The following MAF variants were observed in gnomAD, a reference collection of about 807,000 sequenced individuals.
MAF encodes MAF bZIP transcription factor, also known as transcription factor Maf.
A neutral mutation model predicts 22.0 loss-of-function variants in MAF; 10 were observed. The observed-to-expected ratio is 0.45, with a 90% CI of 0.28 to 0.77. The LOEUF is 0.77. MAF is among the 30% of genes least tolerant of loss of function. MAF has a pLI of 0.12. For missense variants in MAF, 544 were observed against 548.4 expected (o/e 0.99, Z 0.08); for synonymous variants, 337 against 255.8 (o/e 1.32, Z -3.03).
the MAF span, among the ~76,000 whole-genome samples, chr16:79,251,186 A>T: frequency 6.6e-6 from 1 of 152,162 alleles, no homozygotes; most frequent in Non-Finnish European, 1.5e-5. Context: ...ACCAACCTGA[A>T]CTTAAACCCT....
At chr16:79,315,009 C>T in the MAF span, among the ~76,000 whole-genome samples, 33,994 of 152,180 alleles carry the variant, frequency 0.22, 4,182 homozygotes, top group Middle Eastern at 0.32. Context: ...TTAATGAAGA[C>T]GGGGGCCCTT....
the MAF span, among the ~76,000 whole-genome samples, chr16:79,335,750 C>T: frequency 6.6e-6 from 1 of 152,214 alleles, no homozygotes; most frequent in African/African-American, 2.4e-5. Flanking sequence ...AGCGGACACC[C>T]ACAAACTAGG....
At chr16:79,374,171 C>T in the MAF span, among the ~76,000 whole-genome samples, 2 of 152,198 alleles carry the variant, frequency 1.3e-5, no homozygotes, top group African/African-American at 4.8e-5. Context: ...TTGGTGCTTA[C>T]TTAACTTGTG....
chr16:79,357,662 A>C, the MAF span, among the ~76,000 whole-genome samples: 1 of 151,984 alleles, frequency 6.6e-6, no homozygotes, highest in African/African-American at 2.4e-5. Flanking sequence ...TGTCTTCCTC[A>C]CCATCGGTTC....
the MAF span, among the ~76,000 whole-genome samples, chr16:79,561,066 C>G: frequency 1.3e-5 from 2 of 152,162 alleles, no homozygotes; most frequent in Non-Finnish European, 2.9e-5. Context: ...TTGCTTTCAT[C>G]CCAAGACCTG....
At chr16:79,536,150 C>T in the MAF span, among the ~76,000 whole-genome samples, 3 of 152,174 alleles carry the variant, frequency 2.0e-5, no homozygotes, top group South Asian at 2.1e-4. Context: ...AGATATAAGG[C>T]GGTACTTACC....
the MAF span, among the ~76,000 whole-genome samples, chr16:79,539,546 T>C: frequency 6.6e-6 from 1 of 152,190 alleles, no homozygotes; most frequent in East Asian, 1.9e-4. Flanking sequence ...AAGAAAGTTT[T>C]AAAATTAACT....
At chr16:79,204,658 A>AGCGTACCAAGGTCACCCTGCCC in the MAF span, 1 of 152,208 alleles carries the variant, frequency 6.6e-6, no homozygotes, top group African/African-American at 2.4e-5. Context: ...AGGCCCTGAG[A>AGCGTACCAAGGTCACCCTGCCC]GCGTACCAAG....
the MAF span, among the ~76,000 whole-genome samples, chr16:79,446,851 G>A: frequency 1.5e-4 from 23 of 152,126 alleles, 1 homozygote; most frequent in African/African-American, 9.7e-5. Context: ...GAGGTTGAAA[G>A]GTTGCAGTGA....
the MAF span, among the ~76,000 whole-genome samples, chr16:79,496,418 C>A: frequency 6.6e-6 from 1 of 152,188 alleles, no homozygotes; most frequent in Non-Finnish European, 1.5e-5. Context: ...AGGCTTAGAA[C>A]TGTCGTACAC....
At chr16:79,452,695 G>C in the MAF span, among the ~76,000 whole-genome samples, 1 of 152,108 alleles carries the variant, frequency 6.6e-6, no homozygotes, top group Non-Finnish European at 1.5e-5. Context: ...TTTGGAGTCA[G>C]CATGGCCATG....
chr16:79,477,394 A>C, the MAF span, among the ~76,000 whole-genome samples: 2 of 152,318 alleles, frequency 1.3e-5, no homozygotes, highest in South Asian at 2.1e-4. Context: ...AGCTTTGCAC[A>C]GAATAAAGAA....
At position 79,599,597 on chromosome 16, in the gene MAF, G is replaced by A. The variant is rs2143814763; in HGVS notation, c.306C>T (p.Asn102=). Residue 102 remains asparagine, a synonymous_variant, in exon 1 of 2, where the codon AAC becomes AAT. Transcript: ENST00000326043. The part of the protein sequence containing the change: ...YWMTGYPQQL[N]PEALGFSPED... ...CGGGGCTGAAGCCCAGCGCCTCGGG[G>A]TTCAGCTGCTGCGGGTAGCCGGTCA... 8.1e-6 allele frequency: 13 copies of A among 1,609,002 alleles called. No homozygotes were observed. Among genetic ancestry groups the A allele is most frequent in the Non-Finnish European group, 1.1e-5 (13 of 1,178,500 alleles).
the MAF span, among the ~76,000 whole-genome samples, chr16:79,260,455 G>GTATC: frequency 3.9e-4 from 32 of 81,786 alleles, no homozygotes; most frequent in Non-Finnish European, 1.8e-4. Flanking sequence ...CCTGGCTCAT[G>GTATC]TATCTATCTA....
At chr16:79,306,965 T>G in the MAF span, among the ~76,000 whole-genome samples, 2 of 152,242 alleles carry the variant, frequency 1.3e-5, no homozygotes, top group African/African-American at 4.8e-5. Context: ...CATAAGCATA[T>G]GCCATATGTA....
chr16:79,279,938 T>C, the MAF span, among the ~76,000 whole-genome samples: 143,742 of 152,216 alleles, frequency 0.94, 67,899 homozygotes, highest in East Asian at 1. Context: ...ATACGGGGCT[T>C]GCCCGGGACA....
chr16:79,283,618 A>AT, the MAF span, among the ~76,000 whole-genome samples: 1 of 152,250 alleles, frequency 6.6e-6, no homozygotes, highest in African/African-American at 2.4e-5. Context: ...TGAAGCTGTC[A>AT]TAAAAATCTT....
chr16:79,333,111 C>T, the MAF span, among the ~76,000 whole-genome samples: 5 of 152,162 alleles, frequency 3.3e-5, no homozygotes, highest in African/African-American at 7.2e-5. Context: ...CCCATCTCAG[C>T]GGGAGATGGT....
chr16:79,590,797 C>A (rs1913148085), downstream of MAF, among the ~76,000 whole-genome samples: 1 of 152,112 alleles, frequency 6.6e-6, no homozygotes, highest in African/African-American at 2.4e-5. Flanking sequence ...GCCATACTCT[C>A]CCAGCCTCTG....
Sources: gnomAD v4.1 joint callset for allele counts (sites outside exome capture counted in the v4.1 genomes callset) on GRCh38, gnomAD v4.1.1 for gene constraint, MANE v1.5 for transcripts, NCBI Gene and HGNC (gene_info 2026-07-23, HGNC 2026-07-21) for gene names.